Variants in SCAMP1 observed in about 807,000 individuals in gnomAD.
The protein encoded by SCAMP1 is secretory carrier-associated membrane protein 1.
A neutral mutation model predicts 41.8 loss-of-function variants in SCAMP1; 15 were observed. The observed-to-expected ratio is 0.36, with a 90% CI of 0.24 to 0.55. The LOEUF is 0.55. Ranked by LOEUF, SCAMP1 falls within the 20% of genes least tolerant of loss-of-function variation. SCAMP1 has a pLI of 0.86. For missense variants in SCAMP1, 341 were observed against 412.6 expected (o/e 0.83, Z 1.50); for synonymous variants, 135 against 136.8 (o/e 0.99, Z 0.09).
intron 2 of SCAMP1, among the ~76,000 whole-genome samples, chr5:78,399,921 C>T (rs1246632594): frequency 6.6e-6 from 1 of 152,116 alleles, no homozygotes; most frequent in Admixed American, 6.5e-5. Context: ...TATTGTTTTG[C>T]ATTTTATATT....
intron 6 of SCAMP1, among the ~76,000 whole-genome samples, chr5:78,446,997 A>T (rs896351959): frequency 2.6e-5 from 4 of 152,222 alleles, no homozygotes; most frequent in African/African-American, 9.7e-5. Flanking sequence ...AGCGAGCATT[A>T]CCACCTGAGC....
intron 6 of SCAMP1, among the ~76,000 whole-genome samples, chr5:78,427,246 G>A (rs187368185): frequency 6.6e-4 from 100 of 152,258 alleles, no homozygotes; most frequent in African/African-American, 2.3e-3. Context: ...AAGCCAGTTG[G>A]GGGAGAGGTG....
At chr5:78,445,258 G>A (rs6870646) in intron 6 of SCAMP1, among the ~76,000 whole-genome samples, 115,313 of 152,158 alleles carry the variant, frequency 0.76, 44,274 homozygotes, top group African/African-American at 0.83. Flanking sequence ...GCTTGACTGT[G>A]GAAGACATTA....
At chr5:78,421,753 A>G (rs1281079143) in intron 5 of SCAMP1, 48 bp from the exon 6 acceptor site, 6 of 1,519,586 alleles carry the variant, frequency 3.9e-6, no homozygotes, top group Non-Finnish European at 5.4e-6. Context: ...TGAATTCATA[A>G]ATTGAATGTA....
intron 6 of SCAMP1, among the ~76,000 whole-genome samples, chr5:78,432,276 A>G (rs1048009730): frequency 1.3e-5 from 2 of 152,124 alleles, no homozygotes; most frequent in African/African-American, 4.8e-5. Flanking sequence ...ATACCATTTC[A>G]GCACTTTTCA....
At chr5:78,402,604 G>C (rs1197813074) in intron 2 of SCAMP1, among the ~76,000 whole-genome samples, 1 of 152,030 alleles carries the variant, frequency 6.6e-6, no homozygotes, top group Non-Finnish European at 1.5e-5. Context: ...TTTGCTTTGA[G>C]TCTGCTTTTT....
At chr5:78,475,029 G>A (rs991156005) in intron 8 of SCAMP1, among the ~76,000 whole-genome samples, 2 of 152,114 alleles carry the variant, frequency 1.3e-5, no homozygotes, top group African/African-American at 4.8e-5. Context: ...AGTAGTGCTT[G>A]GTACATTAAA....
At chr5:78,437,399 T>C (rs1752785782) in intron 6 of SCAMP1, among the ~76,000 whole-genome samples, 1 of 152,248 alleles carries the variant, frequency 6.6e-6, no homozygotes, top group African/African-American at 2.4e-5. Flanking sequence ...CAATACCTAG[T>C]TTATTGAGAG....
In SCAMP1 at chr5:78,360,823, C is replaced by T. The variant is rs140012212; in HGVS notation, c.57+95C>T. On this transcript the variant is annotated intron_variant, in intron 1 of 8. Transcript: ENST00000621999. ...CGCGCCCACTGCGTCTGCCCCTCGGCTCCCCTTAGCAGCCCAGAGAGGGGC... is the reference window on the plus strand; with the variant it reads ...CGCGCCCACTGCGTCTGCCCCTCGGTTCCCCTTAGCAGCCCAGAGAGGGGC... 3.2e-3 allele frequency: 4,024 copies of T among 1,271,072 alleles called. 43 individuals are homozygous for T. The highest frequency in any genetic ancestry group is 0.026 in the African/African-American group (1,744 of 66,780). The allele number at this position is 1,271,072 out of a possible 1,614,324, so 78.7% of individuals were successfully genotyped here. A position where few individuals can be genotyped will look rare whatever the true frequency, so the allele number is the denominator to read the frequency against.
chr5:78,405,743 ATGTT>A (rs1174106331), intron 2 of SCAMP1, among the ~76,000 whole-genome samples: 1 of 152,148 alleles, frequency 6.6e-6, no homozygotes, highest in African/African-American at 2.4e-5. Flanking sequence ...TGACCAATGA[ATGTT>A]TGATGAATGT....
chr5:78,466,741 T>A (rs1436540899), intron 8 of SCAMP1, among the ~76,000 whole-genome samples: 1 of 152,126 alleles, frequency 6.6e-6, no homozygotes. Context: ...AGTAATTGAA[T>A]TGATTAGATT....
intron 1 of SCAMP1, among the ~76,000 whole-genome samples, chr5:78,371,138 C>A (rs560902477): frequency 6.6e-6 from 1 of 152,160 alleles, no homozygotes; most frequent in South Asian, 2.1e-4. Context: ...TTCTTGATAA[C>A]ATCTTTTGAA....
chr5:78,454,740 A>AT (rs1561283801), intron 7 of SCAMP1, among the ~76,000 whole-genome samples: 1 of 152,180 alleles, frequency 6.6e-6, no homozygotes, highest in Admixed American at 6.5e-5. Flanking sequence ...ATTGATTGGA[A>AT]TAGTTTCAGA....
intron 6 of SCAMP1, among the ~76,000 whole-genome samples, chr5:78,424,058 G>A (rs934323349): frequency 6.6e-6 from 1 of 152,074 alleles, no homozygotes; most frequent in East Asian, 1.9e-4. Flanking sequence ...TGGTCAGGCT[G>A]GTCTCGAACT....
At chr5:78,372,549 TA>T (rs11301637) in intron 1 of SCAMP1, among the ~76,000 whole-genome samples, 32,973 of 149,164 alleles carry the variant, frequency 0.22, 4,005 homozygotes, top group Admixed American at 0.36. Context: ...GCTCAGATAT[TA>T]AAAAAAAAAA....
chr5:78,369,396 C>T (rs945335619), intron 1 of SCAMP1, among the ~76,000 whole-genome samples: 7 of 152,082 alleles, frequency 4.6e-5, no homozygotes, highest in Admixed American at 3.3e-4. Context: ...CGTGAGTCAT[C>T]GTGCCCGGCC....
intron 8 of SCAMP1, among the ~76,000 whole-genome samples, chr5:78,475,284 A>G (rs1753978117): frequency 6.6e-6 from 1 of 152,118 alleles, no homozygotes; most frequent in African/African-American, 2.4e-5. Context: ...TTAAATTAGC[A>G]TAATTATCTC....
In SCAMP1 at chr5:78,376,176, CTCTT is replaced by C. The variant is rs374799805; in HGVS notation, c.58-12659_58-12656del. Reference sequence around the variant, plus strand: ...TTAAATTCCTCTCTTTATACTGTCTCTCTTTATTTCTAGCCGGCCGACACTTATG... The same window carrying C: ...TTAAATTCCTCTCTTTATACTGTCTCTATTTCTAGCCGGCCGACACTTATG... On this transcript the variant is annotated intron_variant, in intron 1 of 8. Coordinates refer to ENST00000621999, the MANE Select transcript of SCAMP1 (RefSeq NM_004866.6). Among the ~76,000 whole-genome samples the C allele has an allele frequency of 4.3e-4, 65 of 152,192 alleles. 1 individual carries two copies. The highest frequency in any genetic ancestry group is 1.5e-3 in the African/African-American group (62 of 41,538).
At chr5:78,389,280 T>G (rs926117276) in intron 2 of SCAMP1, among the ~76,000 whole-genome samples, 2 of 152,190 alleles carry the variant, frequency 1.3e-5, no homozygotes, top group African/African-American at 4.8e-5. Flanking sequence ...GTGGAAACTG[T>G]GTAGAACTGT....
Sources: gnomAD v4.1 joint callset for allele counts (sites outside exome capture counted in the v4.1 genomes callset) on GRCh38, gnomAD v4.1.1 for gene constraint, MANE v1.5 for transcripts, NCBI Gene and HGNC (gene_info 2026-07-23, HGNC 2026-07-21) for gene names.